The following EHBP1L1 variants were observed in gnomAD, a reference collection of about 807,000 sequenced individuals.
EHBP1L1 encodes the protein EH domain-binding protein 1-like protein 1.
EHBP1L1 carries 122 observed loss-of-function variants against 151.1 expected under a neutral mutation model. The ratio of observed to expected loss-of-function variants is 0.81; its 90% CI spans 0.70 to 0.94. The LOEUF (loss-of-function observed/expected upper bound fraction) is 0.94, where lower values mean the gene tolerates loss of function less well. Ranked by LOEUF, EHBP1L1 falls within the 40% of genes least tolerant of loss-of-function variation. The pLI, the probability that EHBP1L1 is intolerant of heterozygous loss-of-function variation, is 0.00. For synonymous variants in EHBP1L1, 878 were observed against 810.1 expected (o/e 1.08, Z -1.42); for missense variants, 1,941 against 1,959.8 (o/e 0.99, Z 0.18).
rs757028790 is a variant in EHBP1L1, at chr11:65,580,259, C to T, written c.491C>T (p.Thr164Met). 9 of 1,613,402 alleles carry T rather than the reference C, an allele frequency of 5.6e-6. No homozygotes were observed. The highest frequency in any genetic ancestry group is 4.5e-5 in the East Asian group (2 of 44,886). Residue 164 changes from threonine (T) to methionine (M), a missense_variant and splice_region_variant, in exon 5 of 19, where the codon ACG becomes ATG. Coordinates refer to ENST00000309295, the MANE Select transcript of EHBP1L1 (RefSeq NM_001099409.3). ...GTGCTGCTGCGGGAGGGCCGTGCCA[C>T]GTGAGTGCCTACCTGCCCTCCTTGA... Reference protein sequence around the residue: ...SGVLLREGRATDDDMQSLASL... With the variant: ...SGVLLREGRAMDDDMQSLASL...
chr11:65,589,982 G>A lies in EHBP1L1; in HGVS notation c.4050G>A (p.Glu1350=). ...AACCACCCCCAAGCCCAGGGGAGGA[G>A]GCTGGGCTGGTAAGGAGGGCTAAGT... ...SEEPPPSPGE[E]AGLQRFQDTS... is the part of the protein sequence containing the mutation. The change falls in exon 14 of 19, where the codon GAG becomes GAA. Residue 1350 remains glutamate (E), a synonymous_variant. Transcript: ENST00000309295. 1 of 1,598,070 alleles carries A rather than the reference G, an allele frequency of 6.3e-7. No individual in the cohort carries two copies. Among genetic ancestry groups the A allele is most frequent in the Non-Finnish European group, 8.6e-7 (1 of 1,169,040 alleles).
At chr11:65,579,832 A>AT in intron 3 of EHBP1L1, 104 bp from the exon 4 acceptor site, 1 of 1,298,140 alleles carries the variant, frequency 7.7e-7, no homozygotes, top group Non-Finnish European at 1.1e-6. Flanking sequence ...GTCTCAAAAA[A>AT]AAAAAAAAAG....
Position 65,582,605 on chromosome 11 carries a change from G to T in EHBP1L1, c.1933G>T (p.Gly645Trp), listed in dbSNP as rs1857680059. Residue 645 changes from glycine to tryptophan, a missense_variant, in exon 9 of 19, where the codon GGG (glycine) becomes TGG (tryptophan). By Grantham distance (184) the Gly-to-Trp change is radical. Transcript: ENST00000309295. ...AGAGGTGGGGGTCATAGAGACCCCA[G>T]GGACAGAGACTGAGGTATTGGGGAC... Reference protein sequence around the residue: ...ETEVGVIETPGTETEVLGTQK... With the variant: ...ETEVGVIETPWTETEVLGTQK... The T allele has an allele frequency of 1.9e-6, 3 of 1,613,568 alleles. No homozygotes were observed.
At position 65,581,700 on chromosome 11, in the gene EHBP1L1, C is replaced by A; in HGVS notation, c.1028C>A (p.Ala343Asp). Reference protein sequence around the residue: ...AGLGSARETQAQACPQEGTEA... With the variant: ...AGLGSARETQDQACPQEGTEA... ...TTGGGCTCTGCTAGGGAGACCCAGG[C>A]CCAGGCATGCCCTCAGGAAGGGACA... is the stretch of plus-strand genomic sequence containing the variant. Residue 343 changes from alanine (A) to aspartate (D), a missense_variant, in exon 9 of 19, where the codon GCC becomes GAC. Coordinates refer to ENST00000309295, the MANE Select transcript of EHBP1L1 (RefSeq NM_001099409.3). 1.3e-6 allele frequency: 2 copies of A among 1,580,848 alleles called. No individual in the cohort carries two copies. Among genetic ancestry groups the A allele is most frequent in the Middle Eastern group, 3.3e-4 (2 of 6,028 alleles).
chr11:65,586,077 G>A (rs1400446291), intron 12 of EHBP1L1, among the ~76,000 whole-genome samples: 1 of 152,166 alleles, frequency 6.6e-6, no homozygotes, highest in African/African-American at 2.4e-5. Context: ...TGTACTCAAG[G>A]GGGATTCTCC....
chr11:65,585,481 T>G lies in EHBP1L1; in HGVS notation c.3823T>G (p.Ser1275Ala), dbSNP rs1857918280. The G allele has an allele frequency of 1.3e-6, 2 of 1,540,936 alleles. No homozygotes were observed. The highest frequency in any genetic ancestry group is 2.7e-5 in the African/African-American group (2 of 72,876). Residue 1275 changes from serine to alanine, a missense_variant, in exon 12 of 19, where the codon TCC (serine) becomes GCC (alanine). Coordinates refer to ENST00000309295, the MANE Select transcript of EHBP1L1 (RefSeq NM_001099409.3). The surrounding 1 kb of genome is among the most constrained non-coding windows in gnomAD (Gnocchi z 4.0). Reference sequence around the variant, plus strand: ...CCCGCCCCGCGCGCACGGCTCCTTCTCCCACGTGCGCGACGCGGACCTGCT... The same window carrying G: ...CCCGCCCCGCGCGCACGGCTCCTTCGCCCACGTGCGCGACGCGGACCTGCT... ...VPPPRAHGSFSHVRDADLLKK... is the reference protein window; with the variant it reads ...VPPPRAHGSFAHVRDADLLKK...
intron 1 of EHBP1L1, among the ~76,000 whole-genome samples, 170 bp downstream of exon 1, chr11:65,576,576 T>G (rs1042972270): frequency 6.6e-6 from 1 of 152,110 alleles, no homozygotes. Context: ...CCCTTGCAAT[T>G]TGTGGGACCC....
At chr11:65,579,799 C>T (rs1473101371) in intron 3 of EHBP1L1, 137 bp from the exon 4 acceptor site, 37 of 911,280 alleles carry the variant, frequency 4.1e-5, no homozygotes, top group Non-Finnish European at 5.3e-5. Context: ...TGCACTCCAG[C>T]CTCGACGACA....
At chr11:65,583,951 G>A in intron 9 of EHBP1L1, 186 bp downstream of exon 9, 1 of 1,415,966 alleles carries the variant, frequency 7.1e-7, no homozygotes, top group Non-Finnish European at 9.2e-7. Context: ...CATCTTCCCT[G>A]GGCCGCATGG....
At chr11:65,578,885 C>G (rs973497288) in intron 1 of EHBP1L1, among the ~76,000 whole-genome samples, 193 bp from the exon 2 acceptor site, 2 of 152,236 alleles carry the variant, frequency 1.3e-5, no homozygotes, top group African/African-American at 4.8e-5. Context: ...CTGGCCCCAC[C>G]CTACCTTAGC....
chr11:65,579,026 A>T (rs1001046286), intron 1 of EHBP1L1, 52 bp from the exon 2 acceptor site: 2 of 1,524,898 alleles, frequency 1.3e-6, no homozygotes, highest in African/African-American at 2.8e-5. Flanking sequence ...GAGGCAGGTG[A>T]GCCTGACCAA....
chr11:65,589,678 G>A (rs946290541), intron 12 of EHBP1L1, 73 bp from the exon 13 acceptor site: 77 of 1,461,320 alleles, frequency 5.3e-5, no homozygotes, highest in Non-Finnish European at 6.9e-5. Context: ...CTCTGTATGA[G>A]TGGCTCTGGC....
Position 65,580,217 on chromosome 11 carries a change from G to A in EHBP1L1, c.449G>A (p.Ser150Asn), listed in dbSNP as rs773715682. The A allele has an allele frequency of 6.2e-7, 1 of 1,613,642 alleles. No individual in the cohort carries two copies. Among genetic ancestry groups the A allele is most frequent in the Admixed American group, 1.7e-5 (1 of 60,022 alleles). ...KSVKVVQAEL[S>N]LTLSGVLLRE... ...GTGAAGGTGGTGCAGGCTGAGCTGA[G>A]CCTCACTCTTTCCGGGGTGCTGCTG... The change falls in exon 5 of 19, where the codon AGC becomes AAC. Residue 150 changes from serine to asparagine, a missense_variant. Coordinates refer to ENST00000309295, the MANE Select transcript of EHBP1L1 (RefSeq NM_001099409.3).
chr11:65,591,433 G>C (rs1253002081), intron 16 of EHBP1L1: 1 of 380,830 alleles, frequency 2.6e-6, no homozygotes. Flanking sequence ...GCCACTCTGC[G>C]GCCATTGCCT....
rs763639316 is a variant in EHBP1L1 at position 65,581,067 on chromosome 11, G to C, written c.644G>C (p.Arg215Pro). The C allele has an allele frequency of 3.1e-6, 5 of 1,610,304 alleles. No individual in the cohort carries two copies. The highest frequency in any genetic ancestry group is 4.2e-6 in the Non-Finnish European group (5 of 1,178,494). The change falls in exon 7 of 19, where the codon CGA becomes CCA. Residue 215 changes from arginine (R) to proline (P), a missense_variant. By Grantham distance (103) the Arg-to-Pro change is moderately radical. Coordinates refer to ENST00000309295, the MANE Select transcript of EHBP1L1 (RefSeq NM_001099409.3). Reference sequence around the variant, plus strand: ...CTCCTACCATTCCCAGATCCCTCTCGAGAGCTGAAGACGCTTTGTGAGGAG... The same window carrying C: ...CTCCTACCATTCCCAGATCCCTCTCCAGAGCTGAAGACGCTTTGTGAGGAG... ...RARVPQPDPS[R>P]ELKTLCEEEE... is the part of the protein sequence containing the mutation.
rs945676819 is a variant in EHBP1L1, at chr11:65,585,034, G to C, written c.3376G>C (p.Asp1126His). The C allele has an allele frequency of 2.0e-5, 31 of 1,537,486 alleles. No individual in the cohort carries two copies. In the Admixed American group the frequency reaches 5.4e-4, roughly 27 times the overall value. ...PADMVLLSVPDKLIVMTYLCQ... is the reference protein window; with the variant it reads ...PADMVLLSVPHKLIVMTYLCQ... ...GGACATGGTGCTACTGTCGGTGCCC[G>C]ACAAGCTCATCGTCATGACGTACCT... The change falls in exon 12 of 19, where the codon GAC becomes CAC. Residue 1126 changes from aspartate (D) to histidine (H), a missense_variant. By Grantham distance (81) the Asp-to-His change is moderately conservative. Transcript: ENST00000309295. The surrounding 1 kb of genome is among the most constrained non-coding windows in gnomAD (Gnocchi z 4.0).
chr11:65,590,024 T>G, intron 14 of EHBP1L1, 33 bp downstream of exon 14: 1 of 1,608,576 alleles, frequency 6.2e-7, no homozygotes, highest in Non-Finnish European at 8.5e-7. Flanking sequence ...AGCTGATGGG[T>G]GAGCACCACC....
In EHBP1L1 at chr11:65,582,888, T is replaced by C. The variant is rs745574813; in HGVS notation, c.2216T>C (p.Ile739Thr). The C allele has an allele frequency of 4.3e-6, 7 of 1,613,276 alleles. No homozygotes were observed. The highest frequency in any genetic ancestry group is 2.2e-5 in the East Asian group (1 of 44,858). ...ITARDSGVRE[I>T]EAEIAESDIL... is the part of the protein sequence containing the mutation. ...GCTAGGGATTCAGGGGTCAGAGAGA[T>C]AGAAGCAGAGATAGCAGAGTCTGAC... The change falls in exon 9 of 19, where the codon ATA becomes ACA. Residue 739 changes from isoleucine to threonine, a missense_variant. Physicochemically the swap from Ile to Thr is moderately conservative, Grantham distance 89. Transcript: ENST00000309295.
intron 6 of EHBP1L1, chr11:65,580,854 G>T (rs1483819125): frequency 1.1e-5 from 14 of 1,318,164 alleles, no homozygotes; most frequent in Non-Finnish European, 1.4e-5. Context: ...TGCTTGTCCA[G>T]GCTTTTTCTC....
Sources: gnomAD v4.1 joint callset for allele counts (sites outside exome capture counted in the v4.1 genomes callset) on GRCh38, gnomAD v4.1.1 for gene constraint, Gnocchi (gnomAD v3.1) non-coding constraint, MANE v1.5 for transcripts, NCBI Gene and HGNC (gene_info 2026-07-23, HGNC 2026-07-21) for gene names.